The following CSMD3 variants were observed in gnomAD, a reference collection of about 807,000 sequenced individuals.
The protein encoded by CSMD3 is CUB and sushi domain-containing protein 3.
Under a neutral mutation model 435.2 loss-of-function variants are expected in CSMD3, and 177 were observed. That is an observed-to-expected ratio of 0.41 (90% CI 0.36 to 0.46). CSMD3 has a LOEUF of 0.46. Among genes scored for constraint, CSMD3 ranks in the 20% least tolerant of loss-of-function variants. The probability of loss-of-function intolerance (pLI) is 0.34; values close to 1 mark genes in which losing one functional copy is unlikely to be tolerated. For missense variants in CSMD3, 4,265 were observed against 4,504.6 expected, an observed-to-expected ratio of 0.95 and a Z score of 1.52; for synonymous variants, 1,656 against 1,520.5, an observed-to-expected ratio of 1.09 and a Z score of -2.07.
At chr8:113,379,765 A>G (rs1057048850) in intron 1 of CSMD3, among the ~76,000 whole-genome samples, 4 of 152,226 alleles carry the variant, frequency 2.6e-5, no homozygotes, top group African/African-American at 9.6e-5. Context: ...TTTATTTTAT[A>G]GCTACAAAAC....
chr8:112,252,238 T>C lies in CSMD3; in HGVS notation c.10110+2015A>G, dbSNP rs75202032. Among the ~76,000 whole-genome samples, 297 of 152,056 alleles carry C rather than the reference T, an allele frequency of 2.0e-3. 1 individual carries two copies. The highest frequency in any genetic ancestry group is 6.7e-3 in the African/African-American group (279 of 41,554). On this transcript the variant is annotated intron_variant, in intron 63 of 70. Coordinates refer to ENST00000297405, the MANE Select transcript of CSMD3 (RefSeq NM_198123.2). Reference sequence around the variant, plus strand: ...AACATAAATACGAAAGTTGGGACATTCTGATTCTCCTTGGAAATCTGGAAT... The same window carrying C: ...AACATAAATACGAAAGTTGGGACATCCTGATTCTCCTTGGAAATCTGGAAT...
intron 32 of CSMD3, among the ~76,000 whole-genome samples, chr8:112,417,813 C>G (rs980939879): frequency 6.6e-5 from 10 of 152,146 alleles, no homozygotes; most frequent in Admixed American, 5.2e-4. Context: ...TTAATTCCTT[C>G]TGTTTCAACT....
chr8:113,285,551 G>A (rs914926986), intron 2 of CSMD3, among the ~76,000 whole-genome samples: 1 of 152,048 alleles, frequency 6.6e-6, no homozygotes. Flanking sequence ...GAGCCACCCC[G>A]CCCCGCCAGT....
intron 6 of CSMD3, among the ~76,000 whole-genome samples, chr8:112,984,035 A>G (rs1209992922): frequency 6.6e-6 from 1 of 152,064 alleles, no homozygotes; most frequent in Non-Finnish European, 1.5e-5. Context: ...GAAAATAAAT[A>G]CCAATTTTGG....
chr8:112,890,918 TA>T, intron 10 of CSMD3, among the ~76,000 whole-genome samples: 1 of 151,774 alleles, frequency 6.6e-6, no homozygotes, highest in Middle Eastern at 3.4e-3. Context: ...TACATTGTCT[TA>T]TTACTTATTC....
At chr8:112,436,286 T>G (rs1357473993) in intron 32 of CSMD3, among the ~76,000 whole-genome samples, 1 of 151,912 alleles carries the variant, frequency 6.6e-6, no homozygotes, top group Admixed American at 6.6e-5. Flanking sequence ...AAAGTAAATA[T>G]AATAAAGTTA....
chr8:112,554,378 T>C (rs1373423956), intron 25 of CSMD3, among the ~76,000 whole-genome samples: 2 of 152,044 alleles, frequency 1.3e-5, no homozygotes, highest in Non-Finnish European at 2.9e-5. Flanking sequence ...AAAAAGATAT[T>C]AGTATTTAAG....
chr8:112,463,204 A>G (rs1817627679), intron 32 of CSMD3, among the ~76,000 whole-genome samples: 1 of 152,134 alleles, frequency 6.6e-6, no homozygotes, highest in Admixed American at 6.5e-5. Flanking sequence ...TCTACTAAAA[A>G]TACAAAAATT....
intron 1 of CSMD3, among the ~76,000 whole-genome samples, chr8:113,399,015 G>A (rs1172868869): frequency 6.8e-6 from 1 of 146,238 alleles, no homozygotes; most frequent in East Asian, 2.0e-4. Flanking sequence ...AAAAAAAGGA[G>A]GAAGTTTTGC....
chr8:112,478,708 C>A (rs72676624), intron 31 of CSMD3, among the ~76,000 whole-genome samples: 2,985 of 152,228 alleles, frequency 0.02, 47 homozygotes, highest in Middle Eastern at 0.034. Context: ...CGTGGTGAAA[C>A]CCCACCTTCA....
At chr8:112,487,775 C>A (rs1049217302) in intron 31 of CSMD3, among the ~76,000 whole-genome samples, 18 of 152,116 alleles carry the variant, frequency 1.2e-4, no homozygotes, top group African/African-American at 3.4e-4. Context: ...ATAAATCAAG[C>A]AAATAATATT....
At chr8:112,796,964 G>A (rs1055798308) in intron 13 of CSMD3, among the ~76,000 whole-genome samples, 2 of 151,916 alleles carry the variant, frequency 1.3e-5, no homozygotes, top group Admixed American at 1.3e-4. Context: ...AACACGAAAT[G>A]AATCCTAGTT....
intron 5 of CSMD3, among the ~76,000 whole-genome samples, chr8:113,075,795 TG>T (rs2089310981): frequency 6.6e-6 from 1 of 151,550 alleles, no homozygotes; most frequent in African/African-American, 2.4e-5. Context: ...AAATAATAGA[TG>T]AAAAAAAATT....
chr8:112,816,042 G>T (rs979904230), intron 12 of CSMD3, among the ~76,000 whole-genome samples: 2 of 152,096 alleles, frequency 1.3e-5, no homozygotes, highest in Non-Finnish European at 2.9e-5. Flanking sequence ...GTATCAATGA[G>T]TGCTAAAATC....
intron 5 of CSMD3, among the ~76,000 whole-genome samples, chr8:113,028,224 A>G (rs1012748801): frequency 6.6e-6 from 1 of 151,994 alleles, no homozygotes; most frequent in Admixed American, 6.6e-5. Flanking sequence ...TACTCTTCTA[A>G]TTGCTTTTGG....
intron 22 of CSMD3, among the ~76,000 whole-genome samples, chr8:112,593,668 C>G (rs1310292849): frequency 6.6e-6 from 1 of 151,974 alleles, no homozygotes; most frequent in African/African-American, 2.4e-5. Context: ...CCAAGGTACA[C>G]TCAGCAAGAG....
chr8:112,784,273 C>G (rs2078478663), intron 13 of CSMD3, among the ~76,000 whole-genome samples: 1 of 151,842 alleles, frequency 6.6e-6, no homozygotes, highest in Non-Finnish European at 1.5e-5. Context: ...CTATTAGATA[C>G]AGCAATAGCA....
chr8:112,949,194 C>T (rs1291031429), intron 8 of CSMD3, among the ~76,000 whole-genome samples: 1 of 151,958 alleles, frequency 6.6e-6, no homozygotes, highest in Non-Finnish European at 1.5e-5. Context: ...AGCTATCAGA[C>T]GACTGCCCAA....
At chr8:112,519,118 G>C (rs558270144) in intron 27 of CSMD3, among the ~76,000 whole-genome samples, 38 of 151,960 alleles carry the variant, frequency 2.5e-4, no homozygotes, top group Non-Finnish European at 5.0e-4. Context: ...GATGAGATTT[G>C]GGTGGTGACA....
Sources: allele counts gnomAD v4.1 joint callset (sites outside exome capture counted in the v4.1 genomes callset), GRCh38; gene constraint gnomAD v4.1.1; transcripts MANE v1.5; gene names NCBI Gene and HGNC (gene_info 2026-07-23, HGNC 2026-07-21).